The following STK26 variants were observed in gnomAD, a reference collection of about 807,000 sequenced individuals.
STK26 encodes serine/threonine-protein kinase 26.
Under a neutral mutation model 34.7 loss-of-function variants are expected in STK26, and 14 were observed. The observed-to-expected ratio is 0.40, with a 90% CI of 0.27 to 0.63. The LOEUF is 0.63. Among genes scored for constraint, STK26 ranks in the 30% least tolerant of loss-of-function variants. The probability of loss-of-function intolerance (pLI) is 0.38; values close to 1 mark genes in which losing one functional copy is unlikely to be tolerated. For missense variants in STK26, 226 were observed against 309.1 expected, an observed-to-expected ratio of 0.73 and a Z score of 2.02; for synonymous variants, 100 against 109.8, an observed-to-expected ratio of 0.91 and a Z score of 0.56.
chrX:132,043,546 T>G (rs1173078588), intron 2 of STK26, among the ~76,000 whole-genome samples: 1 of 111,884 alleles, frequency 8.9e-6, no homozygotes, highest in Admixed American at 9.5e-5. Context: ...ACCTCCTGTT[T>G]AGTCAGTAAT....
chrX:132,074,930 T>C lies in STK26; in HGVS notation c.*771T>C, dbSNP rs756447171. The C allele has an allele frequency of 1.8e-5, 2 of 111,943 alleles. No homozygotes were observed. The highest frequency in any genetic ancestry group is 9.5e-5 in the Admixed American group (1 of 10,476). 9.2% of individuals were successfully genotyped at this position (111,943 alleles called of 1,213,427 possible). ...TGTTGAAGGAGTTAGTCTGGCTTCA[T>C]GTTTTACATCTTCAACTAAAATCCC... On this transcript the variant is annotated 3_prime_UTR_variant, in exon 12 of 12. Transcript: ENST00000394334.
intron 2 of STK26, among the ~76,000 whole-genome samples, chrX:132,043,053 G>C (rs1196296785): frequency 1.8e-5 from 2 of 111,764 alleles, no homozygotes; most frequent in Non-Finnish European, 3.8e-5. Flanking sequence ...TTTTCTAAAA[G>C]AACTCATGGT....
intron 2 of STK26, among the ~76,000 whole-genome samples, chrX:132,035,856 C>T (rs1171897493): frequency 1.9e-5 from 2 of 107,348 alleles, no homozygotes; most frequent in Non-Finnish European, 3.9e-5. Flanking sequence ...CACACACACA[C>T]ACACACACAC....
At chrX:132,032,141 C>G (rs767492307) in intron 2 of STK26, among the ~76,000 whole-genome samples, 25 of 111,901 alleles carry the variant, frequency 2.2e-4, no homozygotes, top group Non-Finnish European at 4.5e-4. Flanking sequence ...TGGACTTGTT[C>G]CAGCCTTCCC....
chrX:132,071,154 G>A lies in STK26; in HGVS notation c.869G>A (p.Arg290His), dbSNP rs144238597. The A allele has an allele frequency of 5.0e-6, 6 of 1,208,305 alleles. No homozygotes were observed. The highest frequency in any genetic ancestry group is 2.2e-5 in the Admixed American group (1 of 45,716). ...KTSYLTELIDRFKRWKAEGHS... is the reference protein window; with the variant it reads ...KTSYLTELIDHFKRWKAEGHS... Reference sequence around the variant, plus strand: ...TCTTATCTGACTGAACTGATAGATCGTTTTAAGAGATGGAAGGCAGAAGGA... The same window carrying A: ...TCTTATCTGACTGAACTGATAGATCATTTTAAGAGATGGAAGGCAGAAGGA... The change falls in exon 8 of 12, where the codon CGT becomes CAT. Residue 290 changes from arginine (R) to histidine (H), a missense_variant. Physicochemically the swap from Arg to His is conservative, Grantham distance 29. Transcript: ENST00000394334.
chrX:132,032,587 G>A (rs1488652607), intron 2 of STK26, among the ~76,000 whole-genome samples: 1 of 111,528 alleles, frequency 9.0e-6, no homozygotes, highest in Non-Finnish European at 1.9e-5. Context: ...AAAAAGTGGG[G>A]AAAAGAAATC....
At chrX:132,067,354 C>G (rs1405425801) in intron 4 of STK26, among the ~76,000 whole-genome samples, 2 of 111,866 alleles carry the variant, frequency 1.8e-5, no homozygotes, top group African/African-American at 6.5e-5. Context: ...GCAAACAGAA[C>G]TCTACCTCTG....
intron 2 of STK26, among the ~76,000 whole-genome samples, chrX:132,026,895 A>G (rs1386925676): frequency 2.7e-5 from 3 of 112,401 alleles, no homozygotes; most frequent in African/African-American, 9.7e-5. Context: ...TTAACGATTA[A>G]TGATCACTTT....
At chrX:132,031,949 A>G (rs1925855039) in intron 2 of STK26, among the ~76,000 whole-genome samples, 1 of 111,591 alleles carries the variant, frequency 9.0e-6, no homozygotes, top group African/African-American at 3.3e-5. Flanking sequence ...GTCCCTCCCT[A>G]AAACCACATA....
At chrX:132,044,627 T>TTCTCTCTCTCTCTC (rs202173059) in intron 2 of STK26, among the ~76,000 whole-genome samples, 1 of 43,101 alleles carries the variant, frequency 2.3e-5, no homozygotes, top group South Asian at 1.3e-3. Context: ...GATGTTCAAA[T>TTCTCTCTCTCTCTC]TCTCTCTCTC....
At chrX:132,071,325 TGAA>T in intron 8 of STK26, 108 bp downstream of exon 8, 1 of 911,172 alleles carries the variant, frequency 1.1e-6, no homozygotes, top group East Asian at 3.2e-5. Context: ...AACCATATTT[TGAA>T]ATTTCACCTT....
intron 2 of STK26, among the ~76,000 whole-genome samples, chrX:132,052,523 A>G (rs1269746730): frequency 8.9e-6 from 1 of 112,180 alleles, no homozygotes; most frequent in African/African-American, 3.2e-5. Flanking sequence ...AACTATATCC[A>G]TGGATTAGAG....
intron 2 of STK26, among the ~76,000 whole-genome samples, chrX:132,037,739 GACAA>G (rs980302301): frequency 2.1e-5 from 2 of 95,617 alleles, no homozygotes; most frequent in South Asian, 5.1e-4. Flanking sequence ...CTGTTTCTGT[GACAA>G]ACAAAGTCTT....
intron 2 of STK26, among the ~76,000 whole-genome samples, chrX:132,040,969 T>C (rs892527684): frequency 1.1e-4 from 12 of 112,009 alleles, no homozygotes; most frequent in African/African-American, 3.6e-4. Flanking sequence ...GCATTATTTG[T>C]AATTTGCTGC....
At chrX:132,073,179 C>A in intron 11 of STK26, 86 bp downstream of exon 11, 1 of 987,371 alleles carries the variant, frequency 1.0e-6, no homozygotes, top group Non-Finnish European at 1.4e-6. Flanking sequence ...TTTGATTCAA[C>A]CATTCCAATT....
chrX:132,060,408 C>G (rs969615768), intron 3 of STK26, among the ~76,000 whole-genome samples: 1 of 110,679 alleles, frequency 9.0e-6, no homozygotes, highest in African/African-American at 3.3e-5. Flanking sequence ...AATTTTCTAG[C>G]CATATTCTTG....
intron 2 of STK26, among the ~76,000 whole-genome samples, chrX:132,031,563 C>T (rs1234075151): frequency 8.9e-6 from 1 of 112,091 alleles, no homozygotes; most frequent in Non-Finnish European, 1.9e-5. Context: ...CAGTATTTGT[C>T]TTTCTGTGCC....
In STK26 at chrX:132,063,382, T is replaced by C. The variant is rs1193360511; in HGVS notation, c.274-51T>C. 15 of 1,048,839 alleles carry C rather than the reference T, an allele frequency of 1.4e-5. No individual in the cohort carries two copies. The Admixed American group carries it at 3.3e-4, about 23-fold the overall frequency. The allele number at this position is 1,048,839 out of a possible 1,213,427, so 86.4% of individuals were successfully genotyped here. ...GTGAGATTTAACATTTTTGCTAGTA[T>C]GTTATTTTGGCTCAGGTTTGTAATT... On this transcript the variant is annotated intron_variant, in intron 3 of 11. Coordinates refer to ENST00000394334, the MANE Select transcript of STK26 (RefSeq NM_016542.4).
chrX:132,071,144 C>T lies in STK26; in HGVS notation c.859C>T (p.Leu287=). The T allele has an allele frequency of 1.7e-6, 2 of 1,208,827 alleles. No homozygotes were observed. The highest frequency in any genetic ancestry group is 3.5e-5 in the South Asian group (2 of 56,851). The change falls in exon 8 of 12, where the codon CTG becomes TTG. Residue 287 remains leucine, a synonymous_variant. Coordinates refer to ENST00000394334, the MANE Select transcript of STK26 (RefSeq NM_016542.4). ...NSKKTSYLTE[L]IDRFKRWKAE... is the part of the protein sequence containing the mutation. ...AAAGAAGACTTCTTATCTGACTGAA[C>T]TGATAGATCGTTTTAAGAGATGGAA...
Sources: gnomAD v4.1 joint callset for allele counts (sites outside exome capture counted in the v4.1 genomes callset) on GRCh38, gnomAD v4.1.1 for gene constraint, MANE v1.5 for transcripts, NCBI Gene and HGNC (gene_info 2026-07-23, HGNC 2026-07-21) for gene names.